Variants in POMGNT2 observed in about 807,000 individuals in gnomAD.
POMGNT2 encodes the protein protein O-linked mannose N-acetylglucosaminyltransferase 2 (beta 1,4-), also known as protein O-linked-mannose beta-1,4-N-acetylglucosaminyltransferase 2.
Under a neutral mutation model 37.8 loss-of-function variants are expected in POMGNT2, and 32 were observed. The observed-to-expected ratio is 0.85, with a 90% CI of 0.64 to 1.14. POMGNT2 has a LOEUF of 1.14. POMGNT2 is among the 50% of genes most tolerant of loss of function. POMGNT2 has a pLI of 0.00. For synonymous variants in POMGNT2, 340 were observed against 336.8 expected, an observed-to-expected ratio of 1.01 and a Z score of -0.10; for missense variants, 705 against 780.6, an observed-to-expected ratio of 0.90 and a Z score of 1.15.
chr3:43,080,466 G>C lies in POMGNT2; in HGVS notation c.966C>G (p.Ser322=), dbSNP rs141319921. ...QEFQMKTVTV[S]LEDHTFADVV... is the part of the protein sequence containing the mutation. ...CATCAGCAAAGGTGTGGTCCTCCAG[G>C]GACACTGTCACTGTCTTCATCTGGA... is the stretch of plus-strand genomic sequence containing the variant. The change falls in exon 2 of 2, where the codon TCC becomes TCG. Residue 322 remains serine, a synonymous_variant. Transcript: ENST00000344697. 3.0e-4 allele frequency: 489 copies of C among 1,614,180 alleles called. No individual in the cohort carries two copies. In the African/African-American group the frequency reaches 6.0e-3, roughly 20 times the overall value.
At chr3:43,101,928 C>T (rs1372560357) in intron 1 of POMGNT2, among the ~76,000 whole-genome samples, 1 of 148,548 alleles carries the variant, frequency 6.7e-6, no homozygotes, top group Non-Finnish European at 1.5e-5. Flanking sequence ...TGGCAAGAAA[C>T]GAGTCCAGGT....
chr3:43,100,381 T>C (rs1199122661), intron 1 of POMGNT2, among the ~76,000 whole-genome samples: 6 of 152,164 alleles, frequency 3.9e-5, no homozygotes, highest in African/African-American at 1.2e-4. Context: ...ATTGTGTAGG[T>C]TATATGCAAA....
chr3:43,099,662 T>C (rs972469441), intron 1 of POMGNT2, among the ~76,000 whole-genome samples: 1 of 152,068 alleles, frequency 6.6e-6, no homozygotes, highest in Admixed American at 6.5e-5. Context: ...GTTTCAACAG[T>C]AGAGCCCTAT....
chr3:43,088,596 C>T (rs1346162530), intron 1 of POMGNT2, among the ~76,000 whole-genome samples: 2 of 152,168 alleles, frequency 1.3e-5, no homozygotes, highest in Non-Finnish European at 2.9e-5. Context: ...ACTTCTTGGG[C>T]CAGTTACTGG....
Position 43,080,900 on chromosome 3 carries a change from T to C in POMGNT2, c.532A>G (p.Thr178Ala). The C allele has an allele frequency of 6.2e-7, 1 of 1,613,884 alleles. No homozygotes were observed. Among genetic ancestry groups the C allele is most frequent in the Non-Finnish European group, 8.5e-7 (1 of 1,179,948 alleles). Residue 178 changes from threonine to alanine, a missense_variant, in exon 2 of 2, where the codon ACC becomes GCC. Coordinates refer to ENST00000344697, the MANE Select transcript of POMGNT2 (RefSeq NM_032806.6). ...FHDDLLPLFY[T>A]LRQFPGLAHE... ...GCCAGGCCGGGAAACTGCCGCAGGG[T>C]GTAGAAGAGTGGCAGCAGGTCGTCA... is the stretch of plus-strand genomic sequence containing the variant.
At position 43,099,566 on chromosome 3, in the gene POMGNT2, G is replaced by T. The variant is rs140813856; in HGVS notation, c.-106+6270C>A. On this transcript the variant is annotated intron_variant, in intron 1 of 1. Transcript: ENST00000344697. Reference sequence around the variant, plus strand: ...CAGTTCAGTGGGCACTGCATACCCAGACAGGTAAAGGTCGGGGAGCCCAGG... The same window carrying T: ...CAGTTCAGTGGGCACTGCATACCCATACAGGTAAAGGTCGGGGAGCCCAGG... Among the ~76,000 whole-genome samples the T allele has an allele frequency of 2.0e-3, 312 of 152,328 alleles. 3 individuals are homozygous for T. Among genetic ancestry groups the T allele is most frequent in the African/African-American group, 7.2e-3 (301 of 41,576 alleles).
intron 1 of POMGNT2, among the ~76,000 whole-genome samples, chr3:43,082,407 C>T (rs775330523): frequency 2.4e-4 from 36 of 152,174 alleles, no homozygotes; most frequent in Non-Finnish European, 4.0e-4. Context: ...AGAAACTTGT[C>T]CCCTCAGTGG....
At chr3:43,083,070 G>T (rs933723359) in intron 1 of POMGNT2, among the ~76,000 whole-genome samples, 3 of 152,074 alleles carry the variant, frequency 2.0e-5, no homozygotes, top group African/African-American at 7.2e-5. Flanking sequence ...GGAGGCATGA[G>T]ATCTCTTCTG....
chr3:43,084,247 T>G (rs1353617517), intron 1 of POMGNT2, among the ~76,000 whole-genome samples: 1 of 152,144 alleles, frequency 6.6e-6, no homozygotes, highest in Non-Finnish European at 1.5e-5. Flanking sequence ...TGTAGGCTCA[T>G]GCCTTCCCCC....
chr3:43,091,163 A>G (rs1477379623), intron 1 of POMGNT2, among the ~76,000 whole-genome samples: 1 of 152,172 alleles, frequency 6.6e-6, no homozygotes, highest in Non-Finnish European at 1.5e-5. Flanking sequence ...CTTTCTCTAC[A>G]AAAAGGAACC....
intron 1 of POMGNT2, among the ~76,000 whole-genome samples, chr3:43,095,977 G>C (rs1483746541): frequency 6.6e-6 from 1 of 152,222 alleles, no homozygotes; most frequent in African/African-American, 2.4e-5. Flanking sequence ...CTATGGGGCA[G>C]GGAGAAGGGA....
chr3:43,096,175 C>T (rs977229816), intron 1 of POMGNT2, among the ~76,000 whole-genome samples: 7 of 152,170 alleles, frequency 4.6e-5, no homozygotes, highest in Admixed American at 1.3e-4. Context: ...GTGCCCTAAG[C>T]GGAGTTTTGG....
chr3:43,093,181 C>A (rs1013512576), intron 1 of POMGNT2, among the ~76,000 whole-genome samples: 1 of 152,222 alleles, frequency 6.6e-6, no homozygotes, highest in African/African-American at 2.4e-5. Flanking sequence ...CTGGACCTGG[C>A]TGACTGTACA....
At chr3:43,103,643 G>A (rs2068875) in intron 1 of POMGNT2, among the ~76,000 whole-genome samples, 2,662 of 152,194 alleles carry the variant, frequency 0.017, 84 homozygotes, top group African/African-American at 0.061. Flanking sequence ...ACTTGGTGCG[G>A]GAAGACTCCC....
At chr3:43,089,574 G>A (rs1327138729) in intron 1 of POMGNT2, among the ~76,000 whole-genome samples, 1 of 152,016 alleles carries the variant, frequency 6.6e-6, no homozygotes, top group Non-Finnish European at 1.5e-5. Flanking sequence ...AACCAGTTAG[G>A]AGCTCCCAAG....
rs1378828039 is a variant in POMGNT2, at chr3:43,098,432, A to G, written c.-106+7404T>C. Among the ~76,000 whole-genome samples the G allele has an allele frequency of 6.6e-6, 1 of 152,198 alleles. No individual in the cohort carries two copies. The highest frequency in any genetic ancestry group is 6.5e-5 in the Admixed American group (1 of 15,272). On this transcript the variant is annotated intron_variant, in intron 1 of 1. Coordinates refer to ENST00000344697, the MANE Select transcript of POMGNT2 (RefSeq NM_032806.6). The surrounding 1 kb of genome is among the most constrained non-coding windows in gnomAD (Gnocchi z 4.3). ...ATGCTTACATTTGCTCCTAAATTAA[A>G]TATTAACCTAATGCTATTGATAAAT...
At chr3:43,100,036 C>T (rs1047858023) in intron 1 of POMGNT2, among the ~76,000 whole-genome samples, 11 of 152,232 alleles carry the variant, frequency 7.2e-5, no homozygotes, top group Middle Eastern at 3.4e-3. Context: ...ACAGGGTCTG[C>T]GATCTCCTTC....
In POMGNT2 at chr3:43,082,481, A is replaced by T. The variant is rs140626939; in HGVS notation, c.-105-945T>A. 2.0e-4 allele frequency among the ~76,000 whole-genome samples: 30 copies of T among 152,328 alleles called. No individual in the cohort carries two copies. In the East Asian group the frequency reaches 5.4e-3, roughly 27 times the overall value. ...TTTGTGTACTGAGGCAAAAAAAACC[A>T]ATAGGGTTTTAAATGCCCTCTCCCA... On this transcript the variant is annotated intron_variant, in intron 1 of 1. Coordinates refer to ENST00000344697, the MANE Select transcript of POMGNT2 (RefSeq NM_032806.6).
At chr3:43,088,024 C>T (rs752700177) in intron 1 of POMGNT2, 1 of 152,198 alleles carries the variant, frequency 6.6e-6, no homozygotes, top group Non-Finnish European at 1.5e-5. Context: ...TGATACTCAA[C>T]CACTTTTGAC....
Sources: gnomAD v4.1 joint callset for allele counts (sites outside exome capture counted in the v4.1 genomes callset) on GRCh38, gnomAD v4.1.1 for gene constraint, Gnocchi (gnomAD v3.1) non-coding constraint, MANE v1.5 for transcripts, NCBI Gene and HGNC (gene_info 2026-07-23, HGNC 2026-07-21) for gene names.